The following PPP3CA variants were observed in gnomAD, a reference collection of about 807,000 sequenced individuals.
PPP3CA encodes the protein protein phosphatase 3 catalytic subunit alpha, also known as CAM-PRP catalytic subunit.
In PPP3CA, 14 loss-of-function variants were observed where a neutral mutation model predicts 66.5. The ratio of observed to expected loss-of-function variants is 0.21; its 90% CI spans 0.14 to 0.33. The LOEUF (loss-of-function observed/expected upper bound fraction) is 0.33. PPP3CA is among the 10% of genes least tolerant of loss of function. The probability of loss-of-function intolerance (pLI) is 1.00; values close to 1 mark genes in which losing one functional copy is unlikely to be tolerated. For missense variants in PPP3CA, 317 were observed against 639.5 expected, an observed-to-expected ratio of 0.50 and a Z score of 5.44; for synonymous variants, 232 against 226.2, an observed-to-expected ratio of 1.03 and a Z score of -0.23.
chr4:101,145,951 G>T (rs1053109996), intron 2 of PPP3CA, among the ~76,000 whole-genome samples: 4 of 152,020 alleles, frequency 2.6e-5, no homozygotes, highest in Non-Finnish European at 5.9e-5. Context: ...AGCTAATCTT[G>T]TCCCTTTGAA....
chr4:101,260,642 G>A (rs1282668808), intron 1 of PPP3CA, among the ~76,000 whole-genome samples: 1 of 152,056 alleles, frequency 6.6e-6, no homozygotes, highest in East Asian at 1.9e-4. Flanking sequence ...GCAGCATATT[G>A]TAACTTTCCC....
chr4:101,172,630 G>A (rs1236977495), intron 2 of PPP3CA, among the ~76,000 whole-genome samples: 3 of 151,914 alleles, frequency 2.0e-5, no homozygotes, highest in Non-Finnish European at 1.5e-5. Flanking sequence ...CTAAGCACAT[G>A]TGGTCCCTTC....
intron 3 of PPP3CA, among the ~76,000 whole-genome samples, chr4:101,105,561 G>A (rs557409146): frequency 9.2e-5 from 14 of 151,500 alleles, no homozygotes; most frequent in Admixed American, 2.0e-4. Context: ...TCAGAAGCCT[G>A]CACTCTTCAA....
chr4:101,346,653 G>T, intron 1 of PPP3CA, 86 bp downstream of exon 1: 2 of 1,120,520 alleles, frequency 1.8e-6, no homozygotes, highest in Non-Finnish European at 2.6e-6. Context: ...CCTGGGGCGG[G>T]GGAGGGGAGG....
chr4:101,189,279 T>G (rs1373986863), intron 2 of PPP3CA, among the ~76,000 whole-genome samples: 1 of 152,146 alleles, frequency 6.6e-6, no homozygotes, highest in Non-Finnish European at 1.5e-5. Flanking sequence ...AAATCAGCCG[T>G]GCAGTTATAC....
At chr4:101,224,279 T>C (rs982916767) in intron 1 of PPP3CA, among the ~76,000 whole-genome samples, 2 of 151,804 alleles carry the variant, frequency 1.3e-5, no homozygotes, top group Admixed American at 1.3e-4. Context: ...AAAGGATTCC[T>C]AAGCATCTTG....
At chr4:101,318,054 GTAGTA>G (rs1269117529) in intron 1 of PPP3CA, among the ~76,000 whole-genome samples, 2 of 152,142 alleles carry the variant, frequency 1.3e-5, no homozygotes, top group Admixed American at 6.5e-5. Context: ...TAGTTGTAGT[GTAGTA>G]AACAACGTAT....
intron 1 of PPP3CA, among the ~76,000 whole-genome samples, chr4:101,275,970 C>G (rs1378325781): frequency 5.3e-5 from 8 of 151,640 alleles, no homozygotes; most frequent in Admixed American, 1.3e-4. Context: ...TCATAGTTCA[C>G]TGCAGCCTAG....
chr4:101,210,091 G>C (rs1318594764), intron 1 of PPP3CA, among the ~76,000 whole-genome samples: 1 of 152,154 alleles, frequency 6.6e-6, no homozygotes, highest in Non-Finnish European at 1.5e-5. Flanking sequence ...AAAAGAGTCT[G>C]TGACCCAAAG....
At chr4:101,134,073 T>G (rs1722537045) in intron 2 of PPP3CA, among the ~76,000 whole-genome samples, 1 of 152,192 alleles carries the variant, frequency 6.6e-6, no homozygotes, top group African/African-American at 2.4e-5. Context: ...ACCTCTTCCT[T>G]ACACCTTATA....
intron 5 of PPP3CA, among the ~76,000 whole-genome samples, chr4:101,094,493 G>C (rs905790857): frequency 6.6e-6 from 1 of 152,054 alleles, no homozygotes. Context: ...TGATATTTTG[G>C]ATACTATTTC....
chr4:101,171,773 T>C (rs562896937), intron 2 of PPP3CA, among the ~76,000 whole-genome samples: 2 of 152,308 alleles, frequency 1.3e-5, no homozygotes, highest in East Asian at 3.9e-4. Flanking sequence ...GACATAAATA[T>C]GTCTCTAGTT....
rs1728281144 is a variant in PPP3CA, at chr4:101,298,883, GTGTA to G, written c.58+47852_58+47855del. On this transcript the variant is annotated intron_variant, in intron 1 of 13. Transcript: ENST00000394854. Reference sequence around the variant, plus strand: ...TGTGTGTGTGTGTGTGTGTGTGTGTGTGTATACACTCATGCATTGCTTTATGATG... The same window carrying G: ...TGTGTGTGTGTGTGTGTGTGTGTGTGTACACTCATGCATTGCTTTATGATG... 2.2e-5 allele frequency among the ~76,000 whole-genome samples: 3 copies of G among 134,322 alleles called. No homozygotes were observed. In the East Asian group the frequency reaches 7.4e-4, roughly 33 times the overall value. 88.1% of individuals were successfully genotyped at this position (134,322 alleles called of 152,430 possible). A position where few individuals can be genotyped will look rare whatever the true frequency, so the allele number is the denominator to read the frequency against.
chr4:101,124,732 AAAGAAAG>A (rs1336052001), intron 2 of PPP3CA, among the ~76,000 whole-genome samples: 3 of 66,252 alleles, frequency 4.5e-5, no homozygotes, highest in African/African-American at 6.5e-5. Flanking sequence ...AAAGAGAAAG[AAAGAAAG>A]AAAGAAAGAA....
At chr4:101,211,544 G>A (rs1725298967) in intron 1 of PPP3CA, among the ~76,000 whole-genome samples, 1 of 152,126 alleles carries the variant, frequency 6.6e-6, no homozygotes, top group African/African-American at 2.4e-5. Flanking sequence ...AGACCAAAAT[G>A]TTACAAGGAA....
chr4:101,120,469 T>C (rs1721991369), intron 2 of PPP3CA, among the ~76,000 whole-genome samples: 3 of 152,090 alleles, frequency 2.0e-5, no homozygotes, highest in Non-Finnish European at 2.9e-5. Flanking sequence ...CTCCCGTTGA[T>C]GTCTGATATG....
intron 1 of PPP3CA, among the ~76,000 whole-genome samples, chr4:101,286,329 T>A (rs1476425022): frequency 6.6e-6 from 1 of 152,146 alleles, no homozygotes; most frequent in Non-Finnish European, 1.5e-5. Context: ...AGCAAATAAA[T>A]ATGTATGTTA....
At chr4:101,059,112 C>T (rs980510111) in intron 10 of PPP3CA, among the ~76,000 whole-genome samples, 6 of 151,988 alleles carry the variant, frequency 3.9e-5, no homozygotes, top group African/African-American at 1.4e-4. Context: ...GATTTAGGTT[C>T]CATTTGGTTA....
intron 1 of PPP3CA, among the ~76,000 whole-genome samples, chr4:101,210,101 G>C (rs1404454840): frequency 6.6e-6 from 1 of 152,128 alleles, no homozygotes; most frequent in Non-Finnish European, 1.5e-5. Flanking sequence ...GTGACCCAAA[G>C]AGGCTAAGGT....
Sources: gnomAD v4.1 joint callset for allele counts (sites outside exome capture counted in the v4.1 genomes callset) on GRCh38, gnomAD v4.1.1 for gene constraint, MANE v1.5 for transcripts, NCBI Gene and HGNC (gene_info 2026-07-23, HGNC 2026-07-21) for gene names.